The following DOCK1 variants were observed in gnomAD, a reference collection of about 807,000 sequenced individuals.
The protein encoded by DOCK1 is dedicator of cytokinesis protein 1.
In DOCK1, 138 loss-of-function variants were observed where a neutral mutation model predicts 262.7. The observed-to-expected ratio is 0.53, with a 90% CI of 0.46 to 0.61. The LOEUF is 0.61. Among genes scored for constraint, DOCK1 ranks in the 20% least tolerant of loss-of-function variants. The pLI, the probability that DOCK1 is intolerant of heterozygous loss-of-function variation, is 0.00. For missense variants in DOCK1, 1,908 were observed against 2,370.7 expected (o/e 0.80, Z 4.05); for synonymous variants, 866 against 867.4 (o/e 1.00, Z 0.03).
At chr10:127,005,904 T>C (rs2040981443) in intron 10 of DOCK1, among the ~76,000 whole-genome samples, 1 of 152,200 alleles carries the variant, frequency 6.6e-6, no homozygotes, top group African/African-American at 2.4e-5. Flanking sequence ...TATGTTTGCA[T>C]TGCACATACT....
chr10:127,206,346 G>A (rs1250977608), intron 27 of DOCK1, among the ~76,000 whole-genome samples: 1 of 152,066 alleles, frequency 6.6e-6, no homozygotes, highest in Non-Finnish European at 1.5e-5. Flanking sequence ...GTTTTGCCAT[G>A]TTGGCCAGGC....
At chr10:126,914,967 G>C (rs1046140169) in intron 1 of DOCK1, among the ~76,000 whole-genome samples, 5 of 152,148 alleles carry the variant, frequency 3.3e-5, no homozygotes, top group African/African-American at 1.2e-4. Context: ...ATGGTGCATA[G>C]ATTTTCTTTC....
At chr10:127,251,448 G>A (rs1303233310) in intron 28 of DOCK1, among the ~76,000 whole-genome samples, 2 of 150,984 alleles carry the variant, frequency 1.3e-5, no homozygotes, top group Admixed American at 1.3e-4. Context: ...AGTTACATAT[G>A]TATACATGTG....
chr10:127,128,655 C>T (rs2050124791), intron 27 of DOCK1, among the ~76,000 whole-genome samples: 1 of 152,076 alleles, frequency 6.6e-6, no homozygotes, highest in Admixed American at 6.5e-5. Flanking sequence ...GTGTTCTGGT[C>T]CTGTGTTAGT....
chr10:127,383,409 C>T (rs2065925748), intron 37 of DOCK1, among the ~76,000 whole-genome samples: 1 of 152,178 alleles, frequency 6.6e-6, no homozygotes. Context: ...TTTTATTCTC[C>T]ATCCTCCAAT....
chr10:127,308,487 A>G (rs1016677565), intron 29 of DOCK1, among the ~76,000 whole-genome samples: 10 of 152,188 alleles, frequency 6.6e-5, no homozygotes, highest in Admixed American at 3.3e-4. Context: ...TTACATAGGT[A>G]TACATTTGCC....
chr10:126,965,173 C>T (rs1006130941), intron 1 of DOCK1, among the ~76,000 whole-genome samples: 14 of 152,052 alleles, frequency 9.2e-5, no homozygotes, highest in African/African-American at 1.7e-4. Flanking sequence ...TTTAGGTCTG[C>T]GTGTAACTTC....
intron 31 of DOCK1, among the ~76,000 whole-genome samples, chr10:127,354,442 AC>A (rs1207685244): frequency 6.6e-6 from 1 of 152,176 alleles, no homozygotes; most frequent in Admixed American, 6.5e-5. Flanking sequence ...CCACGTTCCC[AC>A]CGGGGGGAAG....
At chr10:126,932,920 C>T (rs2034293465) in intron 1 of DOCK1, among the ~76,000 whole-genome samples, 1 of 152,154 alleles carries the variant, frequency 6.6e-6, no homozygotes, top group South Asian at 2.1e-4. Context: ...CAACTCCTCC[C>T]CTCCTGCTCT....
intron 27 of DOCK1, among the ~76,000 whole-genome samples, chr10:127,225,477 G>A (rs1397583521): frequency 6.6e-6 from 1 of 152,130 alleles, no homozygotes; most frequent in Non-Finnish European, 1.5e-5. Flanking sequence ...AGGTTGTAAT[G>A]GAACCCCTCC....
chr10:127,069,322 G>T (rs961974800), intron 23 of DOCK1, among the ~76,000 whole-genome samples: 48 of 152,188 alleles, frequency 3.2e-4, no homozygotes, highest in Non-Finnish European at 1.2e-4. Context: ...CAGGATTGTT[G>T]GCCAAGTTAG....
chr10:126,910,045 A>T (rs900848160), intron 1 of DOCK1, among the ~76,000 whole-genome samples: 3 of 152,304 alleles, frequency 2.0e-5, no homozygotes, highest in Admixed American at 2.0e-4. Flanking sequence ...ATCCAAATAA[A>T]TTTGGGAGCG....
intron 22 of DOCK1, 144 bp from the exon 23 acceptor site, chr10:127,061,524 C>CCTT: frequency 1.4e-6 from 1 of 717,598 alleles, no homozygotes; most frequent in Non-Finnish European, 2.3e-6. Flanking sequence ...TGCCAAGTTA[C>CCTT]CTTCCTTGCT....
intron 32 of DOCK1, among the ~76,000 whole-genome samples, chr10:127,355,148 T>TTGTATTTGGGTACGCTGCC (rs146792264): frequency 6.6e-6 from 1 of 151,922 alleles, no homozygotes; most frequent in Non-Finnish European, 1.5e-5. Flanking sequence ...AAACCAGATC[T>TTGTATTTGGGTACGCTGCC]ACCTGGTGGC....
chr10:127,180,414 C>T (rs967309588), intron 27 of DOCK1, among the ~76,000 whole-genome samples: 21 of 152,080 alleles, frequency 1.4e-4, no homozygotes, highest in African/African-American at 3.6e-4. Flanking sequence ...GTTTATTTTT[C>T]GTAAGAAAAT....
intron 1 of DOCK1, among the ~76,000 whole-genome samples, chr10:126,962,112 C>T (rs2037270526): frequency 2.6e-5 from 4 of 151,602 alleles, no homozygotes; most frequent in African/African-American, 9.7e-5. Flanking sequence ...ATTCCCCTGC[C>T]TCAGTCTCCC....
At chr10:126,987,978 A>C (rs2134964851) in intron 5 of DOCK1, 1 of 162,820 alleles carries the variant, frequency 6.1e-6, no homozygotes, top group Non-Finnish European at 1.3e-5. Context: ...GTGCTTATTT[A>C]AGGATCCGGT....
intron 27 of DOCK1, among the ~76,000 whole-genome samples, chr10:127,129,715 G>A (rs1266696455): frequency 6.6e-6 from 1 of 152,224 alleles, no homozygotes. Context: ...GTAGAGCAAA[G>A]AGCATGTGGC....
intron 29 of DOCK1, among the ~76,000 whole-genome samples, chr10:127,311,033 G>T (rs746324079): frequency 1.1e-4 from 16 of 152,156 alleles, no homozygotes; most frequent in Non-Finnish European, 2.4e-4. Flanking sequence ...ATTTGAAGAT[G>T]ACAGATTGGG....
Sources: gnomAD v4.1 joint callset for allele counts (sites outside exome capture counted in the v4.1 genomes callset) on GRCh38, gnomAD v4.1.1 for gene constraint, MANE v1.5 for transcripts, NCBI Gene and HGNC (gene_info 2026-07-23, HGNC 2026-07-21) for gene names.